The following ACSBG2 variants were observed in gnomAD, a reference collection of about 807,000 sequenced individuals.
ACSBG2 encodes the protein long-chain-fatty-acid--CoA ligase ACSBG2.
In ACSBG2, 62 loss-of-function variants were observed where a neutral mutation model predicts 74.7. The ratio of observed to expected loss-of-function variants is 0.83; its 90% CI spans 0.68 to 1.03. ACSBG2 has a LOEUF of 1.03. ACSBG2 is among the 50% of genes least tolerant of loss of function. ACSBG2 has a pLI of 0.00. For missense variants in ACSBG2, 730 were observed against 817.6 expected, an observed-to-expected ratio of 0.89 and a Z score of 1.31; for synonymous variants, 309 against 294.1, an observed-to-expected ratio of 1.05 and a Z score of -0.52.
At chr19:6,166,893 C>A (rs1291152269) in intron 7 of ACSBG2, among the ~76,000 whole-genome samples, 1 of 152,158 alleles carries the variant, frequency 6.6e-6, no homozygotes, top group East Asian at 1.9e-4. Context: ...CCTGCCTCGG[C>A]CTCCCAAAGT....
intron 2 of ACSBG2, among the ~76,000 whole-genome samples, chr19:6,144,084 A>G (rs1478764425): frequency 2.6e-5 from 4 of 151,766 alleles, no homozygotes; most frequent in African/African-American, 9.7e-5. Context: ...TGCAATCTCC[A>G]CCTCCCGGGT....
chr19:6,184,874 G>GAAAAAAAAAAAAAAA (rs1305163415), intron 10 of ACSBG2, among the ~76,000 whole-genome samples: 13 of 49,220 alleles, frequency 2.6e-4, no homozygotes, highest in South Asian at 7.9e-4. Flanking sequence ...AAAAAAAAAC[G>GAAAAAAAAAAAAAAA]AAAAACAGCC....
chr19:6,181,282 G>A, intron 8 of ACSBG2, among the ~76,000 whole-genome samples: 1 of 138,362 alleles, frequency 7.2e-6, no homozygotes, highest in Admixed American at 7.3e-5. Context: ...GAGGGGAAGG[G>A]AGGGGAGGGG....
intron 6 of ACSBG2, among the ~76,000 whole-genome samples, chr19:6,164,085 G>A (rs1373775134): frequency 6.6e-6 from 1 of 152,246 alleles, no homozygotes; most frequent in East Asian, 1.9e-4. Flanking sequence ...CAGTTGTGAT[G>A]CTTGGCATCT....
intron 7 of ACSBG2, chr19:6,176,549 G>T: frequency 3.2e-6 from 1 of 309,092 alleles, no homozygotes; most frequent in Non-Finnish European, 6.3e-6. Context: ...ATGGACATCT[G>T]GGTACCCATA....
At chr19:6,145,764 G>A (rs1164383577) in intron 2 of ACSBG2, among the ~76,000 whole-genome samples, 1 of 152,200 alleles carries the variant, frequency 6.6e-6, no homozygotes, top group Non-Finnish European at 1.5e-5. Flanking sequence ...CCCTTTGCTA[G>A]TTCCATTTGG....
intron 2 of ACSBG2, among the ~76,000 whole-genome samples, chr19:6,146,662 G>A (rs981045805): frequency 6.6e-6 from 1 of 152,118 alleles, no homozygotes; most frequent in Non-Finnish European, 1.5e-5. Flanking sequence ...CTACTCGGGA[G>A]GCTGAGGCAG....
At chr19:6,141,652 T>C (rs376913406) in intron 2 of ACSBG2, 42 bp downstream of exon 2, 17 of 1,265,860 alleles carry the variant, frequency 1.3e-5, no homozygotes, top group Non-Finnish European at 2.0e-5. Flanking sequence ...GAGTGGCACA[T>C]TGATTCCACA....
At position 6,165,901 on chromosome 19, in the gene ACSBG2, T is replaced by C. The variant is rs1226516703; in HGVS notation, c.624T>C (p.Pro208=). The stretch of plus-strand genomic sequence containing the variant: ...TCATGGAACTTGGCAGAAGTATCCC[T>C]GACACCCAACTGGAGCAGGTCATCG... ...DDFMELGRSI[P]DTQLEQVIES... The change falls in exon 7 of 15, where the codon CCT becomes CCC. Residue 208 remains proline, a synonymous_variant. Transcript: ENST00000588485. The C allele has an allele frequency of 6.2e-7, 1 of 1,614,150 alleles. No homozygotes were observed. Among genetic ancestry groups the C allele is most frequent in the Admixed American group, 1.7e-5 (1 of 60,018 alleles).
chr19:6,183,267 T>C lies in ACSBG2; in HGVS notation c.1317T>C (p.Leu439=). The change falls in exon 10 of 15, where the codon CTT becomes CTC. Residue 439 remains leucine (L), a synonymous_variant. Coordinates refer to ENST00000588485, the MANE Select transcript of ACSBG2 (RefSeq NM_030924.5). ...TATCCAACCAGAATAACTACAGGCT[T>C]CTAAGGTACCAGCCCCCGGGGCAGA... ...HTISNQNNYR[L]LSCGKILTGC... 1.9e-6 allele frequency: 3 copies of C among 1,613,734 alleles called. No homozygotes were observed. Among genetic ancestry groups the C allele is most frequent in the Non-Finnish European group, 2.5e-6 (3 of 1,179,704 alleles).
intron 7 of ACSBG2, among the ~76,000 whole-genome samples, chr19:6,169,967 T>C (rs1364307626): frequency 1.3e-5 from 2 of 152,000 alleles, no homozygotes; most frequent in East Asian, 3.8e-4. Context: ...TATCTAGGAG[T>C]GTTTTGGAGG....
chr19:6,171,511 T>G (rs2089965255), intron 7 of ACSBG2, among the ~76,000 whole-genome samples: 1 of 152,204 alleles, frequency 6.6e-6, no homozygotes, highest in African/African-American at 2.4e-5. Flanking sequence ...CTGGCATTTA[T>G]TTTTCTTTAA....
At chr19:6,163,657 C>A (rs1371383820) in intron 6 of ACSBG2, among the ~76,000 whole-genome samples, 2 of 151,782 alleles carry the variant, frequency 1.3e-5, no homozygotes, top group South Asian at 4.2e-4. Flanking sequence ...AGGAGAATCA[C>A]TTGATCCCAA....
At chr19:6,158,047 TTTC>T (rs1465363502) in intron 5 of ACSBG2, among the ~76,000 whole-genome samples, 2 of 104,286 alleles carry the variant, frequency 1.9e-5, no homozygotes, top group African/African-American at 7.4e-5. Flanking sequence ...TGGTTACAAT[TTTC>T]TTTTTTTTTC....
intron 10 of ACSBG2, among the ~76,000 whole-genome samples, chr19:6,184,093 G>C (rs2090333657): frequency 6.6e-6 from 1 of 152,142 alleles, no homozygotes; most frequent in African/African-American, 2.4e-5. Flanking sequence ...ACCATGCCCA[G>C]CATTGCCATA....
intron 5 of ACSBG2, among the ~76,000 whole-genome samples, chr19:6,158,443 T>G (rs2089496762): frequency 6.7e-6 from 1 of 148,580 alleles, no homozygotes; most frequent in Admixed American, 6.6e-5. Flanking sequence ...GTCTTACGTT[T>G]TTTTTTTTTT....
intron 4 of ACSBG2, among the ~76,000 whole-genome samples, chr19:6,155,636 A>G (rs2089391549): frequency 6.6e-6 from 1 of 151,944 alleles, no homozygotes; most frequent in South Asian, 2.1e-4. Context: ...CAAAAAATAC[A>G]AAAATTAGCC....
rs558396963 is a variant in ACSBG2, at chr19:6,176,439, G to A, written c.739-790G>A. On this transcript the variant is annotated intron_variant, in intron 7 of 14. Coordinates refer to ENST00000588485, the MANE Select transcript of ACSBG2 (RefSeq NM_030924.5). Reference sequence around the variant, plus strand: ...CTTTGCCACTGCTCCTGCCATCCACGTGATCTGTAACATAAGGGACAATCC... The same window carrying A: ...CTTTGCCACTGCTCCTGCCATCCACATGATCTGTAACATAAGGGACAATCC... 2.1e-5 allele frequency: 29 copies of A among 1,406,156 alleles called. 1 individual carries two copies. The African/African-American group carries it at 3.5e-4, about 17-fold the overall frequency. The allele number at this position is 1,406,156 out of a possible 1,614,324, so 87.1% of individuals were successfully genotyped here. A position where few individuals can be genotyped will look rare whatever the true frequency, so the allele number is the denominator to read the frequency against.
At chr19:6,184,849 A>AAAAAAAC (rs2090356173) in intron 10 of ACSBG2, among the ~76,000 whole-genome samples, 1 of 129,620 alleles carries the variant, frequency 7.7e-6, no homozygotes, top group African/African-American at 3.5e-5. Context: ...AAAAAAAAAA[A>AAAAAAAC]AAAAAAAAAA....
Sources: gnomAD v4.1 joint callset for allele counts (sites outside exome capture counted in the v4.1 genomes callset) on GRCh38, gnomAD v4.1.1 for gene constraint, MANE v1.5 for transcripts, NCBI Gene and HGNC (gene_info 2026-07-23, HGNC 2026-07-21) for gene names.